POM121: variants seen among roughly 807,000 people sequenced by gnomAD.
POM121 encodes the protein nuclear envelope pore membrane protein POM 121.
Under a neutral mutation model 81.3 loss-of-function variants are expected in POM121, and 32 were observed. The observed-to-expected ratio is 0.39, with a 90% CI of 0.30 to 0.53. POM121 has a LOEUF of 0.53. Among genes scored for constraint, POM121 ranks in the 20% least tolerant of loss-of-function variants. The pLI is 0.66. For synonymous variants in POM121, 514 were observed against 694.2 expected (o/e 0.74, Z 4.08); for missense variants, 1,138 against 1,614.6 (o/e 0.70, Z 5.06).
chr7:72,930,140 G>A (rs1189759459), intron 5 of POM121, 29 bp downstream of exon 5: 4 of 1,578,744 alleles, frequency 2.5e-6, no homozygotes, highest in Non-Finnish European at 3.5e-6. Flanking sequence ...TAATGTGGGG[G>A]ACATGAATTC....
rs1791581247 is a variant in POM121 at position 72,893,922 on chromosome 7, T to TTCTGTTTCTGTTC, written c.-216+2814_-216+2826dup. ...GGCGCCGTGTCTCTGTTCCCCAAAG[T>TTCTGTTTCTGTTC]TCTGTTTCTGTTCTGTGCTGCCCCC... is the stretch of plus-strand genomic sequence containing the variant. On this transcript the variant is annotated intron_variant, in intron 3 of 15. Coordinates refer to the POM121 transcript ENST00000395270. Among the ~76,000 whole-genome samples the TTCTGTTTCTGTTC allele has an allele frequency of 2.0e-5, 3 of 152,138 alleles. No individual in the cohort carries two copies. In the South Asian group the frequency reaches 6.2e-4, roughly 32 times the overall value.
At chr7:72,929,337 A>G (rs1795789079) in intron 4 of POM121, among the ~76,000 whole-genome samples, 1 of 152,228 alleles carries the variant, frequency 6.6e-6, no homozygotes, top group Non-Finnish European at 1.5e-5. Context: ...AATCCACTGT[A>G]AGAATAAACT....
chr7:72,946,181 C>T lies in POM121; in HGVS notation c.3697C>T (p.Pro1233Ser), dbSNP rs782661756. The stretch of plus-strand genomic sequence containing the variant: ...TTCCATTGGTGCGGGATCCAAGACC[C>T]CAGGGGCTCGACAGCGACTGCAGGC... ...SFSIGAGSKTPGARQRLQARR... is the reference protein window; with the variant it reads ...SFSIGAGSKTSGARQRLQARR... Residue 1233 changes from proline (P) to serine (S), a missense_variant, in exon 13 of 13, where the codon CCA (proline) becomes TCA (serine). Transcript: ENST00000434423. 3 of 1,611,678 alleles carry T rather than the reference C, an allele frequency of 1.9e-6. No homozygotes were observed. In the African/African-American group the frequency reaches 4.0e-5, roughly 22 times the overall value.
At chr7:72,922,546 A>G (rs1370671069), upstream of POM121, among the ~76,000 whole-genome samples, 1 of 150,392 alleles carries the variant, frequency 6.6e-6, no homozygotes, top group Non-Finnish European at 1.5e-5. Flanking sequence ...GGCACCAGGC[A>G]AATTTTTGTG....
In POM121 at chr7:72,925,729, C is replaced by T. The variant is rs1795372627; in HGVS notation, c.608C>T (p.Thr203Ile). 1.1e-5 allele frequency: 14 copies of T among 1,318,420 alleles called. No individual in the cohort carries two copies. Among genetic ancestry groups the T allele is most frequent in the Non-Finnish European group, 1.4e-5 (14 of 1,033,080 alleles). The allele number at this position is 1,318,420 out of a possible 1,614,324, so 81.7% of individuals were successfully genotyped here. ...RAHHVYPSLPTPLLRPSRRPS... is the reference protein window; with the variant it reads ...RAHHVYPSLPIPLLRPSRRPS... ...CACCACGTTTACCCCTCTCTGCCCACTCCTCTTCTCCGACCCTCCAGGAGG... is the reference window on the plus strand; with the variant it reads ...CACCACGTTTACCCCTCTCTGCCCATTCCTCTTCTCCGACCCTCCAGGAGG... Residue 203 changes from threonine (T) to isoleucine (I), a missense_variant, in exon 1 of 13, where the codon ACT becomes ATT. Coordinates refer to ENST00000434423, the MANE Select transcript of POM121 (RefSeq NM_001387691.1).
chr7:72,950,283 T>A, downstream of POM121: 1 of 1,115,016 alleles, frequency 9.0e-7, no homozygotes, highest in Non-Finnish European at 1.3e-6. Flanking sequence ...CAACAAATGT[T>A]ACCACAGCTA....
At chr7:72,903,023 G>T (rs1415594348) in intron 3 of POM121, among the ~76,000 whole-genome samples, 2 of 152,092 alleles carry the variant, frequency 1.3e-5, no homozygotes, top group Admixed American at 6.6e-5. Flanking sequence ...TTTTGTGAAT[G>T]GGCTGTACTC....
Position 72,943,130 on chromosome 7 carries a change from C to T in POM121, c.3137C>T (p.Ala1046Val), listed in dbSNP as rs782119188. 5 of 1,613,178 alleles carry T rather than the reference C, an allele frequency of 3.1e-6. No individual in the cohort carries two copies. The highest frequency in any genetic ancestry group is 3.4e-6 in the Non-Finnish European group (4 of 1,179,678). The change falls in exon 11 of 13, where the codon GCC (alanine) becomes GTC (valine). Residue 1046 changes from alanine to valine, a missense_variant. By Grantham distance (64) the Ala-to-Val change is moderately conservative. Around this residue, in one of 7 missense-constraint regions of POM121, gnomAD observed 336 missense variants for 344.3 expected, o/e 0.98. Transcript: ENST00000434423. Reference sequence around the variant, plus strand: ...TTTGGGTTGAAAGCCACGGCTTCGGCCTTCGGCGCTCCCGCCAGCTCACAG... The same window carrying T: ...TTTGGGTTGAAAGCCACGGCTTCGGTCTTCGGCGCTCCCGCCAGCTCACAG... ...SAFGLKATAS[A>V]FGAPASSQPA... is the part of the protein sequence containing the mutation.
intron 1 of POM121, among the ~76,000 whole-genome samples, chr7:72,887,606 A>G (rs1236757848): frequency 6.6e-6 from 1 of 152,194 alleles, no homozygotes; most frequent in African/African-American, 2.4e-5. Context: ...AGGCGGGCAG[A>G]TCACGAGGTC....
chr7:72,886,123 ACTAT>A (rs1157779363), intron 1 of POM121, among the ~76,000 whole-genome samples: 4 of 152,006 alleles, frequency 2.6e-5, no homozygotes, highest in Non-Finnish European at 2.9e-5. Context: ...AGTGCCACAC[ACTAT>A]CTATTACGTT....
intron 11 of POM121, among the ~76,000 whole-genome samples, chr7:72,944,869 C>T (rs1333433807): frequency 3.3e-5 from 5 of 152,102 alleles, no homozygotes; most frequent in South Asian, 2.1e-4. Context: ...GCGAAGTCAC[C>T]GTGAGTGGTG....
chr7:72,898,336 C>T (rs1792178853), intron 3 of POM121, among the ~76,000 whole-genome samples: 2 of 152,172 alleles, frequency 1.3e-5, no homozygotes, highest in Non-Finnish European at 2.9e-5. Flanking sequence ...TCAAGCGATC[C>T]TCCCGTCTTG....
chr7:72,938,502 T>C, intron 5 of POM121, 88 bp from the exon 6 acceptor site: 1 of 1,414,734 alleles, frequency 7.1e-7, no homozygotes, highest in Non-Finnish European at 1.0e-6. Flanking sequence ...AAGAATGTTT[T>C]TTTAGTCACT....
chr7:72,899,983 C>G (rs1295189068), intron 3 of POM121, among the ~76,000 whole-genome samples: 1 of 152,174 alleles, frequency 6.6e-6, no homozygotes, highest in African/African-American at 2.4e-5. Flanking sequence ...TTTTCTAAAC[C>G]TGGCCAAGCA....
chr7:72,939,798 ATT>A (rs1554500374), intron 7 of POM121, 47 bp from the exon 8 acceptor site: 2 of 1,610,968 alleles, frequency 1.2e-6, no homozygotes, highest in Admixed American at 3.3e-5. Context: ...ACAACCATCC[ATT>A]TCTGGAAGAG....
chr7:72,898,743 A>G (rs1792227455), intron 3 of POM121, among the ~76,000 whole-genome samples: 1 of 145,648 alleles, frequency 6.9e-6, no homozygotes, highest in Non-Finnish European at 1.5e-5. Context: ...GGTTGCAGTG[A>G]GCCGAGATTG....
chr7:72,950,317 G>A (rs1236090528), downstream of POM121: 24 of 919,496 alleles, frequency 2.6e-5, 1 homozygote, highest in East Asian at 6.1e-4. Flanking sequence ...AGGGTGATAA[G>A]GGAATCCGGG....
chr7:72,912,711 A>T (rs1298659578), intron 3 of POM121, among the ~76,000 whole-genome samples: 2 of 152,146 alleles, frequency 1.3e-5, no homozygotes, highest in African/African-American at 4.8e-5. Flanking sequence ...CCCGGGAGGC[A>T]GAGGTTGCAG....
rs782681445 is a variant in POM121 at position 72,928,478 on chromosome 7, C to G, written c.1103+13C>G. On this transcript the variant is annotated intron_variant, in intron 4 of 12. Coordinates refer to ENST00000434423, the MANE Select transcript of POM121 (RefSeq NM_001387691.1). ...CTTTTGTGCCTAAGTAAGTGGGAGT[C>G]CATCCGGATGAAATACCAACTGTTT... 1.2e-6 allele frequency: 2 copies of G among 1,611,250 alleles called. No individual in the cohort carries two copies. Among genetic ancestry groups the G allele is most frequent in the South Asian group, 1.1e-5 (1 of 91,034 alleles).
Sources: allele counts gnomAD v4.1 joint callset (sites outside exome capture counted in the v4.1 genomes callset), GRCh38; gene constraint gnomAD v4.1.1; regional missense constraint gnomAD v4.1.1; transcripts MANE v1.5; gene names NCBI Gene and HGNC (gene_info 2026-07-23, HGNC 2026-07-21).